Variants in BTBD9 observed in about 807,000 individuals in gnomAD.
The protein encoded by BTBD9 is BTB domain containing 9.
In BTBD9, 49 loss-of-function variants were observed where a neutral mutation model predicts 64.3. The ratio of observed to expected loss-of-function variants is 0.76; its 90% CI spans 0.61 to 0.97. BTBD9 has a LOEUF of 0.97. BTBD9 is among the 50% of genes least tolerant of loss of function. The probability of loss-of-function intolerance (pLI) is 0.00; values close to 1 mark genes in which losing one functional copy is unlikely to be tolerated. For missense variants in BTBD9, 598 were observed against 762.1 expected, an observed-to-expected ratio of 0.78 and a Z score of 2.53; for synonymous variants, 260 against 274.7, an observed-to-expected ratio of 0.95 and a Z score of 0.53.
intron 7 of BTBD9, among the ~76,000 whole-genome samples, chr6:38,297,841 CTTTT>C (rs747848539): frequency 7.3e-6 from 1 of 136,546 alleles, no homozygotes; most frequent in African/African-American, 2.7e-5. Context: ...CTCCAGTTTT[CTTTT>C]TTTTTTTTTT....
intron 6 of BTBD9, among the ~76,000 whole-genome samples, chr6:38,435,375 C>T (rs2127300420): frequency 6.6e-6 from 1 of 151,424 alleles, no homozygotes; most frequent in African/African-American, 2.4e-5. Context: ...GTGGCGGTGC[C>T]TGTAATCCCA....
chr6:38,293,203 A>T (rs1762026657), intron 7 of BTBD9, among the ~76,000 whole-genome samples: 1 of 152,224 alleles, frequency 6.6e-6, no homozygotes, highest in Non-Finnish European at 1.5e-5. Context: ...TTTGTTTTTC[A>T]TGGATAGGAA....
At chr6:38,493,067 G>C (rs374897929) in intron 6 of BTBD9, among the ~76,000 whole-genome samples, 6 of 152,202 alleles carry the variant, frequency 3.9e-5, no homozygotes, top group South Asian at 4.2e-4. Context: ...AATTCCATGA[G>C]TTTTAAAATA....
At chr6:38,526,029 T>C (rs1773469908) in intron 6 of BTBD9, among the ~76,000 whole-genome samples, 1 of 152,182 alleles carries the variant, frequency 6.6e-6, no homozygotes, top group African/African-American at 2.4e-5. Flanking sequence ...CAAATGTTAA[T>C]AGCCAAAACA....
chr6:38,265,865 C>T (rs138872021), intron 8 of BTBD9, among the ~76,000 whole-genome samples: 33 of 152,302 alleles, frequency 2.2e-4, no homozygotes, highest in African/African-American at 7.5e-4. Context: ...CTTTTCACTT[C>T]TTAGAAAGAT....
intron 6 of BTBD9, among the ~76,000 whole-genome samples, chr6:38,486,191 G>A (rs576998791): frequency 2.0e-5 from 3 of 152,316 alleles, no homozygotes; most frequent in African/African-American, 7.2e-5. Context: ...TCAGGCTTTG[G>A]CTTTAGGGAA....
chr6:38,213,124 A>C (rs1762892706), intron 9 of BTBD9, among the ~76,000 whole-genome samples: 1 of 152,136 alleles, frequency 6.6e-6, no homozygotes, highest in Admixed American at 6.5e-5. Context: ...CTAAGCAAGC[A>C]AGTGGCCTTC....
At chr6:38,527,886 C>T (rs1475163618) in intron 6 of BTBD9, among the ~76,000 whole-genome samples, 3 of 151,650 alleles carry the variant, frequency 2.0e-5, no homozygotes, top group Non-Finnish European at 4.4e-5. Context: ...CAGAATCCTC[C>T]GGTGATCATC....
At chr6:38,187,168 G>A (rs769710858) in intron 10 of BTBD9, among the ~76,000 whole-genome samples, 14 of 152,174 alleles carry the variant, frequency 9.2e-5, no homozygotes, top group Admixed American at 3.3e-4. Context: ...AGTCTTGGGG[G>A]CTGAAACTAA....
intron 7 of BTBD9, among the ~76,000 whole-genome samples, chr6:38,300,634 G>A (rs1035228956): frequency 1.1e-4 from 16 of 152,136 alleles, no homozygotes; most frequent in African/African-American, 2.2e-4. Flanking sequence ...GTGAATGGGA[G>A]TTCACTCATG....
chr6:38,592,414 A>G (rs1776837092), intron 4 of BTBD9, among the ~76,000 whole-genome samples, 162 bp downstream of exon 4: 1 of 152,188 alleles, frequency 6.6e-6, no homozygotes, highest in Non-Finnish European at 1.5e-5. Context: ...GGAGGAATTA[A>G]CAGGAAAATG....
chr6:38,387,593 C>A lies in BTBD9; in HGVS notation c.1155-42500G>T, dbSNP rs117256066. 1.0e-3 allele frequency among the ~76,000 whole-genome samples: 156 copies of A among 152,122 alleles called. 4 individuals carry two copies. The East Asian group carries it at 0.017, about 16-fold the overall frequency. On this transcript the variant is annotated intron_variant, in intron 6 of 10. Coordinates refer to ENST00000481247, the MANE Select transcript of BTBD9 (RefSeq NM_001099272.2). ...AATAATAAATAAATAAGACCAAAGC[C>A]ATATGAAGGCATCATGTATCTAATA...
chr6:38,320,198 C>T (rs768877392), intron 7 of BTBD9, among the ~76,000 whole-genome samples: 10 of 152,162 alleles, frequency 6.6e-5, no homozygotes, highest in Non-Finnish European at 1.3e-4. Context: ...CTTTTCAGTG[C>T]CTCTTTCAGT....
intron 6 of BTBD9, among the ~76,000 whole-genome samples, chr6:38,513,630 A>AT (rs1195552704): frequency 6.6e-6 from 1 of 152,142 alleles, no homozygotes; most frequent in Non-Finnish European, 1.5e-5. Flanking sequence ...AAAGATTAAT[A>AT]TGAAGACACA....
In BTBD9 at chr6:38,170,639, C is replaced by A. The variant is rs1766717219; in HGVS notation, c.*4346G>T. 1 of 152,240 alleles carries A rather than the reference C, an allele frequency of 6.6e-6. No homozygotes were observed. Among genetic ancestry groups the A allele is most frequent in the African/African-American group, 2.4e-5 (1 of 41,442 alleles). The allele number at this position is 152,240 out of a possible 1,614,324, so 9.4% of individuals were successfully genotyped here. A position where few individuals can be genotyped will look rare whatever the true frequency, so the allele number is the denominator to read the frequency against. Reference sequence around the variant, plus strand: ...TGTCCTGCATGCCATTTAAACCTTGCCCTTCCCTCTCTTCTGGAAACTCTG... The same window carrying A: ...TGTCCTGCATGCCATTTAAACCTTGACCTTCCCTCTCTTCTGGAAACTCTG... On this transcript the variant is annotated 3_prime_UTR_variant, in exon 11 of 11. Coordinates refer to ENST00000481247, the MANE Select transcript of BTBD9 (RefSeq NM_001099272.2).
chr6:38,363,693 T>C (rs1765069789), intron 6 of BTBD9, among the ~76,000 whole-genome samples: 1 of 152,154 alleles, frequency 6.6e-6, no homozygotes, highest in Non-Finnish European at 1.5e-5. Flanking sequence ...GAGATAAAAA[T>C]ATTTATGTAA....
chr6:38,592,181 C>CA (rs199989280), intron 4 of BTBD9, among the ~76,000 whole-genome samples: 3,104 of 110,584 alleles, frequency 0.028, 105 homozygotes, highest in African/African-American at 0.089. Flanking sequence ...AACTCCATCT[C>CA]AAAAAAAAAA....
At chr6:38,226,009 C>T (rs1040589758) in intron 9 of BTBD9, among the ~76,000 whole-genome samples, 1 of 152,232 alleles carries the variant, frequency 6.6e-6, no homozygotes, top group Non-Finnish European at 1.5e-5. Flanking sequence ...AGCTTCTCTA[C>T]TTTCCAGGGT....
At chr6:38,634,115 C>G (rs1283063119) in intron 1 of BTBD9, among the ~76,000 whole-genome samples, 3 of 152,302 alleles carry the variant, frequency 2.0e-5, no homozygotes, top group Middle Eastern at 3.4e-3. Flanking sequence ...GAACAAGCAC[C>G]TAGGCAGAAT....
Sources: gnomAD v4.1 joint callset for allele counts (sites outside exome capture counted in the v4.1 genomes callset) on GRCh38, gnomAD v4.1.1 for gene constraint, MANE v1.5 for transcripts, NCBI Gene and HGNC (gene_info 2026-07-23, HGNC 2026-07-21) for gene names.